The following DNAJC1 variants were observed in gnomAD, a reference collection of about 807,000 sequenced individuals.
DNAJC1 encodes the protein DnaJ heat shock protein family (Hsp40) member C1, also known as dnaJ homolog subfamily C member 1.
DNAJC1 carries 58 observed loss-of-function variants against 76.6 expected under a neutral mutation model. The observed-to-expected ratio is 0.76, with a 90% CI of 0.61 to 0.94. The LOEUF (loss-of-function observed/expected upper bound fraction) is 0.94, where lower values mean the gene tolerates loss of function less well. DNAJC1 is among the 40% of genes least tolerant of loss of function. DNAJC1 has a pLI of 0.00. For missense variants in DNAJC1, 689 were observed against 677.3 expected (o/e 1.02, Z -0.19); for synonymous variants, 258 against 267.9 (o/e 0.96, Z 0.36).
At position 21,788,719 on chromosome 10, in the gene DNAJC1, C is replaced by T. The variant is rs529739654; in HGVS notation, c.1098+17261G>A. Among the ~76,000 whole-genome samples, 6 of 152,238 alleles carry T rather than the reference C, an allele frequency of 3.9e-5. No homozygotes were observed. The East Asian group carries it at 1.2e-3, about 29-fold the overall frequency. On this transcript the variant is annotated intron_variant, in intron 9 of 11. Transcript: ENST00000376980. ...TTACCACTACATGGTGCCTCACATC[C>T]AGCGTCCTGAGTTGTCACTGAGCCC...
chr10:21,793,124 G>T (rs1417137436), intron 9 of DNAJC1, among the ~76,000 whole-genome samples: 1 of 152,126 alleles, frequency 6.6e-6, no homozygotes, highest in Admixed American at 6.5e-5. Context: ...TGGCCAACGT[G>T]GTGAAACCCT....
chr10:22,002,585 T>A (rs1838537962), intron 1 of DNAJC1, among the ~76,000 whole-genome samples: 1 of 152,168 alleles, frequency 6.6e-6, no homozygotes, highest in Non-Finnish European at 1.5e-5. Context: ...GGTTAGACGC[T>A]TCAAATTCCT....
At chr10:21,899,728 G>T (rs1003477058) in intron 7 of DNAJC1, among the ~76,000 whole-genome samples, 3 of 152,318 alleles carry the variant, frequency 2.0e-5, no homozygotes, top group Middle Eastern at 3.4e-3. Flanking sequence ...GGACCTACTT[G>T]AACAAGCAGT....
rs768581529 is a variant in DNAJC1 at position 21,918,823 on chromosome 10, T to A, written c.685A>T (p.Ile229Phe). The change falls in exon 6 of 12, where the codon ATT becomes TTT. Residue 229 changes from isoleucine to phenylalanine, a missense_variant. Coordinates refer to ENST00000376980, the MANE Select transcript of DNAJC1 (RefSeq NM_022365.4). ...WHDLLPCKLG[I>F]WFCLTLKALP... ...GCTTTTAGTGTAAGGCAAAACCAAA[T>A]CCCCAGTTTGCATGGAAGCAAATCA... is the stretch of plus-strand genomic sequence containing the variant. 4 of 1,613,056 alleles carry A rather than the reference T, an allele frequency of 2.5e-6. No homozygotes were observed. In the South Asian group the frequency reaches 4.4e-5, roughly 18 times the overall value.
chr10:21,767,576 C>T (rs1834316242), intron 9 of DNAJC1, among the ~76,000 whole-genome samples: 1 of 152,216 alleles, frequency 6.6e-6, no homozygotes, highest in African/African-American at 2.4e-5. Flanking sequence ...GCATGAGCCA[C>T]TGCACTTGGC....
At chr10:21,873,377 G>A (rs1836135524) in intron 8 of DNAJC1, among the ~76,000 whole-genome samples, 1 of 151,942 alleles carries the variant, frequency 6.6e-6, no homozygotes, top group Non-Finnish European at 1.5e-5. Flanking sequence ...CCCCAAAGAA[G>A]TAACTCATGA....
At chr10:21,889,853 C>T (rs979767194) in intron 7 of DNAJC1, among the ~76,000 whole-genome samples, 1 of 152,164 alleles carries the variant, frequency 6.6e-6, no homozygotes, top group Non-Finnish European at 1.5e-5. Context: ...CTAATACAGG[C>T]AAACAAGACA....
intron 1 of DNAJC1, among the ~76,000 whole-genome samples, chr10:21,939,439 A>G (rs959938678): frequency 5.9e-5 from 9 of 152,228 alleles, no homozygotes; most frequent in African/African-American, 1.7e-4. Context: ...ATTTTGGTCA[A>G]TGATGGACTG....
chr10:21,872,157 T>C (rs1394242746), intron 8 of DNAJC1, among the ~76,000 whole-genome samples: 3 of 148,644 alleles, frequency 2.0e-5, no homozygotes, highest in African/African-American at 2.5e-5. Flanking sequence ...CACCGTAACC[T>C]CAACCTCCTG....
intron 1 of DNAJC1, among the ~76,000 whole-genome samples, chr10:21,967,824 T>C (rs954114242): frequency 2.6e-5 from 4 of 152,332 alleles, no homozygotes; most frequent in Middle Eastern, 3.4e-3. Context: ...GCAGTACTCA[T>C]GTATTGCTTT....
At chr10:21,973,585 T>C (rs1186872248) in intron 1 of DNAJC1, among the ~76,000 whole-genome samples, 1 of 152,172 alleles carries the variant, frequency 6.6e-6, no homozygotes, top group Non-Finnish European at 1.5e-5. Context: ...TGTATCAGTA[T>C]TCCTCAAATA....
intron 1 of DNAJC1, among the ~76,000 whole-genome samples, chr10:21,998,389 CA>C (rs60371730): frequency 0.09 from 8,618 of 95,566 alleles, 296 homozygotes; most frequent in African/African-American, 0.19. Flanking sequence ...GACTCCATCT[CA>C]AAAAAAAAAA....
At chr10:21,794,288 G>A (rs866531299) in intron 9 of DNAJC1, among the ~76,000 whole-genome samples, 3,346 of 143,898 alleles carry the variant, frequency 0.023, 81 homozygotes, top group African/African-American at 0.046. Context: ...AAAAAAAAGA[G>A]AGAGAGAGAG....
intron 1 of DNAJC1, among the ~76,000 whole-genome samples, chr10:21,948,912 G>C (rs1283871559): frequency 6.6e-6 from 1 of 152,158 alleles, no homozygotes; most frequent in African/African-American, 2.4e-5. Context: ...GAATTTCTAG[G>C]ATAGAGATGC....
intron 9 of DNAJC1, among the ~76,000 whole-genome samples, chr10:21,805,439 GACACACACACACACAC>G (rs10657199): frequency 7.0e-6 from 1 of 142,746 alleles, no homozygotes; most frequent in African/African-American, 2.6e-5. Context: ...GTTACGTATG[GACACACACACACACAC>G]ACACACACAC....
At chr10:21,932,621 C>T (rs879466898) in intron 1 of DNAJC1, among the ~76,000 whole-genome samples, 2 of 152,106 alleles carry the variant, frequency 1.3e-5, no homozygotes, top group Non-Finnish European at 2.9e-5. Flanking sequence ...TTCCTGGTGC[C>T]AGAGAGATCA....
At chr10:21,783,819 T>C (rs1006544305) in intron 9 of DNAJC1, among the ~76,000 whole-genome samples, 27 of 152,188 alleles carry the variant, frequency 1.8e-4, no homozygotes, top group African/African-American at 5.8e-4. Flanking sequence ...CCCTATTTAA[T>C]AAATGGTGCT....
At chr10:21,834,503 G>A (rs887650137) in intron 8 of DNAJC1, among the ~76,000 whole-genome samples, 5 of 152,196 alleles carry the variant, frequency 3.3e-5, no homozygotes, top group East Asian at 1.9e-4. Context: ...CACCGTACGC[G>A]AGCCGAAGCA....
intron 7 of DNAJC1, among the ~76,000 whole-genome samples, chr10:21,886,209 G>C (rs1836364517): frequency 6.6e-6 from 1 of 152,078 alleles, no homozygotes; most frequent in South Asian, 2.1e-4. Flanking sequence ...AAACCTCTAT[G>C]CACACAAACT....
Sources: gnomAD v4.1 joint callset for allele counts (sites outside exome capture counted in the v4.1 genomes callset) on GRCh38, gnomAD v4.1.1 for gene constraint, MANE v1.5 for transcripts, NCBI Gene and HGNC (gene_info 2026-07-23, HGNC 2026-07-21) for gene names.